THRAP3: variants seen among roughly 807,000 people sequenced by gnomAD.
THRAP3 encodes the protein thyroid hormone receptor-associated protein 3.
Under a neutral mutation model 101.0 loss-of-function variants are expected in THRAP3, and 16 were observed. That is an observed-to-expected ratio of 0.16 (90% confidence interval 0.11 to 0.24). The LOEUF is 0.24. Ranked by LOEUF, THRAP3 falls within the 10% of genes least tolerant of loss-of-function variation. The pLI is 1.00. For missense variants in THRAP3, 989 were observed against 1,202.7 expected, an observed-to-expected ratio of 0.82 and a Z score of 2.63; for synonymous variants, 407 against 422.6, an observed-to-expected ratio of 0.96 and a Z score of 0.45.
chr1:36,279,568 T>C (rs1196415998), intron 2 of THRAP3, among the ~76,000 whole-genome samples: 3 of 152,232 alleles, frequency 2.0e-5, no homozygotes, highest in African/African-American at 7.2e-5. Context: ...CAAATTGAAA[T>C]ATCTTTGACC....
At chr1:36,265,896 G>A (rs1570291156) in intron 2 of THRAP3, among the ~76,000 whole-genome samples, 1 of 152,038 alleles carries the variant, frequency 6.6e-6, no homozygotes, top group East Asian at 1.9e-4. Context: ...GCTCACACCT[G>A]TAATCCCAAC....
chr1:36,243,776 GGGCAGAGGCGCCCCTCACCTCCCGGAC>G (rs1645194772), intron 1 of THRAP3, among the ~76,000 whole-genome samples: 1 of 139,178 alleles, frequency 7.2e-6, no homozygotes, highest in Non-Finnish European at 1.6e-5. Flanking sequence ...AGGGGCGGCC[GGGCAGAGGCGCCCCTCACCTCCCGGAC>G]GGGCGGCTGG....
chr1:36,213,426 G>A, the THRAP3 span, among the ~76,000 whole-genome samples: 1 of 152,160 alleles, frequency 6.6e-6, no homozygotes, highest in African/African-American at 2.4e-5. Context: ...CAGGATGGTA[G>A]AAGATTCAGT....
chr1:36,215,211 G>A, the THRAP3 span, among the ~76,000 whole-genome samples: 23 of 151,858 alleles, frequency 1.5e-4, 1 homozygote, highest in Non-Finnish European at 3.1e-4. Context: ...GCGACAGAGC[G>A]AGACTCAAAA....
intron 1 of THRAP3, among the ~76,000 whole-genome samples, chr1:36,241,426 TATAC>T (rs1557811472): frequency 1.8e-4 from 23 of 130,974 alleles, no homozygotes; most frequent in African/African-American, 6.8e-4. Context: ...TATATATATA[TATAC>T]ACATATATAA....
rs75560098 is a variant in THRAP3 at position 36,269,895 on chromosome 1, A to G, written c.-32+10411A>G. 7.7e-3 allele frequency among the ~76,000 whole-genome samples: 1,176 copies of G among 152,196 alleles called. 15 individuals are homozygous for G. The highest frequency in any genetic ancestry group is 0.027 in the African/African-American group (1,141 of 41,514). ...TACAGCTGCATGTCTCTTTTTTTAAATAAAGTCTTTTTTAAGGAGGAAAAT... is the reference window on the plus strand; with the variant it reads ...TACAGCTGCATGTCTCTTTTTTTAAGTAAAGTCTTTTTTAAGGAGGAAAAT... On this transcript the variant is annotated intron_variant, in intron 2 of 11. Transcript: ENST00000354618.
chr1:36,208,932 G>T, the THRAP3 span, among the ~76,000 whole-genome samples: 1 of 140,604 alleles, frequency 7.1e-6, no homozygotes, highest in African/African-American at 2.7e-5. Flanking sequence ...CTCCCAAAAT[G>T]CTGGGATTAC....
chr1:36,272,502 T>G (rs1183726090), intron 2 of THRAP3, among the ~76,000 whole-genome samples: 1 of 152,180 alleles, frequency 6.6e-6, no homozygotes, highest in African/African-American at 2.4e-5. Flanking sequence ...ACTCAGGAGA[T>G]GATGACCTCC....
chr1:36,260,443 A>G (rs564960356), intron 2 of THRAP3, among the ~76,000 whole-genome samples: 3 of 152,098 alleles, frequency 2.0e-5, no homozygotes, highest in Non-Finnish European at 4.4e-5. Context: ...TTTGCTTTAC[A>G]GTGTTTGTTA....
intron 11 of THRAP3, among the ~76,000 whole-genome samples, chr1:36,302,403 C>T (rs1480105963): frequency 6.6e-6 from 1 of 152,182 alleles, no homozygotes; most frequent in Non-Finnish European, 1.5e-5. Flanking sequence ...CTATGCGTGG[C>T]CACCATCCCT....
rs768443156 is a variant in THRAP3, at chr1:36,304,029, G to C, written c.*12G>C. On this transcript the variant is annotated 3_prime_UTR_variant, in exon 12 of 12. Transcript: ENST00000354618. ...CCACAACCGAGTAGGGGCCACCCTT[G>C]ACGGGATTCCTGCCCAGGGGAGAGA... is the stretch of plus-strand genomic sequence containing the variant. The C allele has an allele frequency of 3.3e-6, 5 of 1,501,544 alleles. No homozygotes were observed. The South Asian group carries it at 5.3e-5, about 16-fold the overall frequency. The allele number at this position is 1,501,544 out of a possible 1,614,324, so 93.0% of individuals were successfully genotyped here.
At chr1:36,256,370 C>T (rs1360381582) in intron 1 of THRAP3, among the ~76,000 whole-genome samples, 3 of 151,608 alleles carry the variant, frequency 2.0e-5, no homozygotes, top group Non-Finnish European at 4.4e-5. Context: ...GGACTACAGG[C>T]GCCCGCCACC....
the THRAP3 span, among the ~76,000 whole-genome samples, chr1:36,213,997 G>GGAAAGAAAGAAA: frequency 2.5e-5 from 2 of 81,014 alleles, no homozygotes; most frequent in Non-Finnish European, 2.5e-5. Context: ...AAGAAAGAAA[G>GGAAAGAAAGAAA]GAAAGAAAGA....
At chr1:36,301,730 G>C in intron 11 of THRAP3, 34 bp downstream of exon 11, 1 of 1,593,638 alleles carries the variant, frequency 6.3e-7, no homozygotes, top group Non-Finnish European at 8.5e-7. Flanking sequence ...AAGGGTTAGA[G>C]GGCCTTTGAC....
the THRAP3 span, among the ~76,000 whole-genome samples, chr1:36,213,583 C>T: frequency 6.6e-6 from 1 of 151,972 alleles, no homozygotes; most frequent in Non-Finnish European, 1.5e-5. Context: ...CTGTGGCTCA[C>T]GTCTGTAATC....
At chr1:36,269,493 T>G (rs1645561132) in intron 2 of THRAP3, among the ~76,000 whole-genome samples, 1 of 151,922 alleles carries the variant, frequency 6.6e-6, no homozygotes. Context: ...TGGGGGAGAG[T>G]TTAAGGTTGT....
intron 2 of THRAP3, among the ~76,000 whole-genome samples, chr1:36,270,429 G>A (rs1310278410): frequency 4.6e-5 from 7 of 151,944 alleles, no homozygotes; most frequent in African/African-American, 1.5e-4. Flanking sequence ...GCACACGCAC[G>A]CATGCCTGCT....
rs1394556325 is a variant in THRAP3, at chr1:36,305,250, A to G, written c.*1233A>G. The stretch of plus-strand genomic sequence containing the variant: ...CTTACTTTGCTACATTTCTATAGTT[A>G]AGTTGGTTTTACTTGAATGATTCAT... On this transcript the variant is annotated 3_prime_UTR_variant, in exon 12 of 12. Coordinates refer to ENST00000354618, the MANE Select transcript of THRAP3 (RefSeq NM_005119.4). 2 of 210,462 alleles carry G rather than the reference A, an allele frequency of 9.5e-6. No homozygotes were observed. Among genetic ancestry groups the G allele is most frequent in the African/African-American group, 4.5e-5 (2 of 44,012 alleles). 13.0% of individuals were successfully genotyped at this position (210,462 alleles called of 1,614,324 possible).
In THRAP3 at chr1:36,296,695, C is replaced by T. The variant is rs759725501; in HGVS notation, c.2228C>T (p.Ser743Phe). 2 of 1,610,464 alleles carry T rather than the reference C, an allele frequency of 1.2e-6. No individual in the cohort carries two copies. Among genetic ancestry groups the T allele is most frequent in the Non-Finnish European group, 8.5e-7 (1 of 1,179,148 alleles). Reference protein sequence around the residue: ...KRGKSRESVDSRDSSHSRERS... With the variant: ...KRGKSRESVDFRDSSHSRERS... The stretch of plus-strand genomic sequence containing the variant: ...GGTAAATCGAGAGAATCAGTGGATT[C>T]CCGAGACTCCAGTCACTCAAGGGAA... The change falls in exon 9 of 12, where the codon TCC (serine) becomes TTC (phenylalanine). Residue 743 changes from serine to phenylalanine, a missense_variant. Ser to Phe is a radical substitution (Grantham distance 155). Transcript: ENST00000354618.
Sources: gnomAD v4.1 joint callset for allele counts (sites outside exome capture counted in the v4.1 genomes callset) on GRCh38, gnomAD v4.1.1 for gene constraint, MANE v1.5 for transcripts, NCBI Gene and HGNC (gene_info 2026-07-23, HGNC 2026-07-21) for gene names.